Variants in EXOC6B observed in about 807,000 individuals in gnomAD.
The protein encoded by EXOC6B is SEC15 homolog B.
EXOC6B carries 54 observed loss-of-function variants against 113.5 expected under a neutral mutation model. The observed-to-expected ratio is 0.48, with a 90% CI of 0.38 to 0.60. The LOEUF is 0.60. Among genes scored for constraint, EXOC6B ranks in the 20% least tolerant of loss-of-function variants. EXOC6B has a pLI of 0.00. For synonymous variants in EXOC6B, 357 were observed against 339.0 expected (o/e 1.05, Z -0.58); for missense variants, 797 against 977.5 (o/e 0.82, Z 2.46).
At chr2:72,547,957 A>T (rs1194121803) in intron 8 of EXOC6B, among the ~76,000 whole-genome samples, 1 of 152,160 alleles carries the variant, frequency 6.6e-6, no homozygotes, top group Non-Finnish European at 1.5e-5. Context: ...ACCTGCCCAA[A>T]TCTAAACTGT....
intron 6 of EXOC6B, among the ~76,000 whole-genome samples, chr2:72,646,208 T>C (rs1673697793): frequency 2.6e-5 from 4 of 151,960 alleles, no homozygotes; most frequent in Admixed American, 2.6e-4. Context: ...ATGGATAAAT[T>C]CCTCGACACA....
In EXOC6B at chr2:72,189,356, C is replaced by G. The variant is rs527446406; in HGVS notation, c.2197-5169G>C. 5.9e-5 allele frequency among the ~76,000 whole-genome samples: 9 copies of G among 152,274 alleles called. 1 individual carries two copies. In the South Asian group the frequency reaches 1.7e-3, roughly 28 times the overall value. Reference sequence around the variant, plus strand: ...CAAGACTGAATTCTTTAGCAGAACACTATGTAAGTGATGCTATGTCCTCCT... The same window carrying G: ...CAAGACTGAATTCTTTAGCAGAACAGTATGTAAGTGATGCTATGTCCTCCT... On this transcript the variant is annotated intron_variant, in intron 20 of 21. Transcript: ENST00000272427.
At chr2:72,289,435 G>A (rs1403672144) in intron 20 of EXOC6B, among the ~76,000 whole-genome samples, 2 of 152,076 alleles carry the variant, frequency 1.3e-5, no homozygotes, top group Non-Finnish European at 2.9e-5. Context: ...TACAGATTAA[G>A]TCATGAGTAG....
chr2:72,661,781 T>C (rs951331856), intron 6 of EXOC6B, among the ~76,000 whole-genome samples: 6 of 151,862 alleles, frequency 4.0e-5, no homozygotes, highest in Admixed American at 2.0e-4. Flanking sequence ...TGAGAGGAAT[T>C]ACACTATTAA....
chr2:72,551,832 C>G (rs1703251263), intron 8 of EXOC6B, among the ~76,000 whole-genome samples: 1 of 152,190 alleles, frequency 6.6e-6, no homozygotes, highest in Admixed American at 6.5e-5. Context: ...CTAGCATACA[C>G]ACAGTGATGA....
intron 18 of EXOC6B, among the ~76,000 whole-genome samples, chr2:72,433,539 C>T (rs1210142428): frequency 1.3e-5 from 2 of 152,290 alleles, no homozygotes; most frequent in East Asian, 3.9e-4. Context: ...TATCCATAAG[C>T]ATGGAATGTG....
At chr2:72,511,037 A>G (rs562855394) in intron 11 of EXOC6B, among the ~76,000 whole-genome samples, 1 of 152,308 alleles carries the variant, frequency 6.6e-6, no homozygotes, top group East Asian at 1.9e-4. Context: ...AATGATAAAA[A>G]TGTCAGATCA....
intron 18 of EXOC6B, among the ~76,000 whole-genome samples, chr2:72,446,595 G>C (rs1453227730): frequency 1.3e-5 from 2 of 151,992 alleles, no homozygotes; most frequent in Non-Finnish European, 2.9e-5. Flanking sequence ...ACAAAGAATG[G>C]AACAACAGAC....
chr2:72,819,427 C>T (rs1378482924), intron 1 of EXOC6B, among the ~76,000 whole-genome samples: 1 of 152,024 alleles, frequency 6.6e-6, no homozygotes, highest in Non-Finnish European at 1.5e-5. Context: ...TGTTCTTCCC[C>T]TCAGTGATTG....
intron 20 of EXOC6B, among the ~76,000 whole-genome samples, chr2:72,276,829 C>A (rs1372743151): frequency 6.6e-6 from 1 of 152,154 alleles, no homozygotes; most frequent in East Asian, 1.9e-4. Context: ...CCTCTTGAAA[C>A]AATTATGAGT....
intron 1 of EXOC6B, among the ~76,000 whole-genome samples, chr2:72,795,138 T>C (rs1165296673): frequency 2.0e-5 from 3 of 152,122 alleles, no homozygotes; most frequent in African/African-American, 7.2e-5. Context: ...TAGAGATTAC[T>C]AGGGTTGGAA....
chr2:72,687,696 G>A (rs532487654), intron 6 of EXOC6B, among the ~76,000 whole-genome samples: 2 of 152,228 alleles, frequency 1.3e-5, no homozygotes, highest in South Asian at 2.1e-4. Context: ...TGCTTAAGAG[G>A]AGGTTAGACC....
chr2:72,436,123 T>A (rs1166589313), intron 18 of EXOC6B, among the ~76,000 whole-genome samples: 1 of 152,232 alleles, frequency 6.6e-6, no homozygotes, highest in South Asian at 2.1e-4. Context: ...CATTTGCTTA[T>A]CTTTAAAGGA....
chr2:72,681,031 T>G (rs1228666987), intron 6 of EXOC6B, among the ~76,000 whole-genome samples: 1 of 152,178 alleles, frequency 6.6e-6, no homozygotes, highest in Non-Finnish European at 1.5e-5. Flanking sequence ...ACACACCCGC[T>G]TACATACAAC....
chr2:72,578,919 A>G (rs1160091423), intron 6 of EXOC6B, among the ~76,000 whole-genome samples: 3 of 152,138 alleles, frequency 2.0e-5, no homozygotes, highest in African/African-American at 7.2e-5. Context: ...GATGCTATAT[A>G]AAGCAGTTTC....
At chr2:72,186,524 A>T (rs894187264) in intron 20 of EXOC6B, among the ~76,000 whole-genome samples, 1 of 137,950 alleles carries the variant, frequency 7.2e-6, no homozygotes, top group Non-Finnish European at 1.5e-5. Flanking sequence ...TTCAATTAAA[A>T]TTTTTTTCAC....
chr2:72,389,111 T>G (rs894537870), intron 18 of EXOC6B, among the ~76,000 whole-genome samples: 2 of 152,102 alleles, frequency 1.3e-5, no homozygotes, highest in Admixed American at 1.3e-4. Context: ...AGTTGTCTTT[T>G]TGTCTAATCT....
chr2:72,614,591 C>A (rs1671277050), intron 6 of EXOC6B, among the ~76,000 whole-genome samples: 1 of 152,058 alleles, frequency 6.6e-6, no homozygotes, highest in Non-Finnish European at 1.5e-5. Context: ...ATAATAACAA[C>A]AACAAATCAT....
intron 7 of EXOC6B, among the ~76,000 whole-genome samples, chr2:72,566,489 A>G (rs1704187114): frequency 6.6e-6 from 1 of 152,162 alleles, no homozygotes; most frequent in African/African-American, 2.4e-5. Context: ...TGCTATAAAT[A>G]TTAAGCTTCA....
Sources: gnomAD v4.1 joint callset for allele counts (sites outside exome capture counted in the v4.1 genomes callset) on GRCh38, gnomAD v4.1.1 for gene constraint, MANE v1.5 for transcripts, NCBI Gene and HGNC (gene_info 2026-07-23, HGNC 2026-07-21) for gene names.